Variants in NEK7 observed in about 807,000 individuals in gnomAD.
NEK7 encodes the protein NIMA related kinase 7, also known as serine/threonine-protein kinase Nek7.
NEK7 carries 18 observed loss-of-function variants against 44.6 expected under a neutral mutation model. The ratio of observed to expected loss-of-function variants is 0.40; its 90% CI spans 0.28 to 0.60. The LOEUF (loss-of-function observed/expected upper bound fraction) is 0.60. NEK7 is among the 20% of genes least tolerant of loss of function. The probability of loss-of-function intolerance (pLI) is 0.38; values close to 1 mark genes in which losing one functional copy is unlikely to be tolerated. For missense variants in NEK7, 256 were observed against 366.5 expected, an observed-to-expected ratio of 0.70 and a Z score of 2.46; for synonymous variants, 130 against 121.1, an observed-to-expected ratio of 1.07 and a Z score of -0.48.
In NEK7 at chr1:198,229,924, T is replaced by G. The variant is rs369638483; in HGVS notation, c.-28-2629T>G. ...AGACATTGTCACGTATCAGTAGCTA[T>G]AGCAAAACCACTTTATTATAACCTA... On this transcript the variant is annotated intron_variant, in intron 1 of 9. Transcript: ENST00000367385. Among the ~76,000 whole-genome samples the G allele has an allele frequency of 9.8e-5, 15 of 152,292 alleles. No individual in the cohort carries two copies. The East Asian group carries it at 2.3e-3, about 23-fold the overall frequency.
chr1:198,294,053 T>C (rs1654638752), intron 8 of NEK7, among the ~76,000 whole-genome samples: 1 of 151,984 alleles, frequency 6.6e-6, no homozygotes, highest in Non-Finnish European at 1.5e-5. Context: ...GTTTTTTGAC[T>C]CTTTAAAAAT....
intron 9 of NEK7, among the ~76,000 whole-genome samples, chr1:198,318,719 G>A (rs1052223142): frequency 1.3e-5 from 2 of 151,990 alleles, no homozygotes; most frequent in African/African-American, 2.4e-5. Context: ...CCGATGGATC[G>A]AGGACCATAT....
chr1:198,301,693 C>A (rs115353164), intron 9 of NEK7, among the ~76,000 whole-genome samples: 4,608 of 152,122 alleles, frequency 0.03, 79 homozygotes, highest in African/African-American at 0.038. Context: ...ATAAAGGGTG[C>A]CCTTCATTGA....
chr1:198,306,165 A>G (rs921050552), intron 9 of NEK7, among the ~76,000 whole-genome samples: 6 of 152,214 alleles, frequency 3.9e-5, no homozygotes, highest in African/African-American at 1.2e-4. Context: ...TAAAATGCAT[A>G]GAGTCGTTCA....
At chr1:198,198,208 T>A in intron 1 of NEK7, 1 of 713,584 alleles carries the variant, frequency 1.4e-6, no homozygotes, top group South Asian at 1.4e-5. Context: ...TCCTCCAGCC[T>A]TTCCACCACC....
intron 1 of NEK7, among the ~76,000 whole-genome samples, chr1:198,174,121 C>A (rs985003887): frequency 2.0e-5 from 3 of 152,086 alleles, no homozygotes; most frequent in African/African-American, 7.2e-5. Context: ...TTTGCACCAT[C>A]CATTCAAAGC....
chr1:198,189,237 G>A (rs947318401), intron 1 of NEK7, among the ~76,000 whole-genome samples: 1 of 152,030 alleles, frequency 6.6e-6, no homozygotes, highest in African/African-American at 2.4e-5. Flanking sequence ...TATTTGAAAG[G>A]ATTTTTTAAA....
chr1:198,247,937 A>C (rs1666882568), intron 2 of NEK7, among the ~76,000 whole-genome samples: 1 of 152,204 alleles, frequency 6.6e-6, no homozygotes, highest in African/African-American at 2.4e-5. Context: ...TGAAAGACTA[A>C]GAGTTTAAGC....
At chr1:198,229,810 A>G (rs1666333490) in intron 1 of NEK7, among the ~76,000 whole-genome samples, 3 of 148,148 alleles carry the variant, frequency 2.0e-5, no homozygotes, top group African/African-American at 7.3e-5. Context: ...GGGATACTGT[A>G]GAAATGAGTT....
chr1:198,295,281 A>T (rs2103011342), intron 8 of NEK7, among the ~76,000 whole-genome samples: 1 of 152,244 alleles, frequency 6.6e-6, no homozygotes, highest in South Asian at 2.1e-4. Flanking sequence ...ACAGTTCAAA[A>T]AAAAAGAGAG....
At chr1:198,200,629 C>T (rs902486434) in intron 1 of NEK7, among the ~76,000 whole-genome samples, 2 of 151,438 alleles carry the variant, frequency 1.3e-5, no homozygotes, top group African/African-American at 4.9e-5. Context: ...TGGCTAACTG[C>T]AACCTCTGCC....
chr1:198,218,195 C>T (rs1416546514), intron 1 of NEK7, among the ~76,000 whole-genome samples: 2 of 152,048 alleles, frequency 1.3e-5, no homozygotes, highest in African/African-American at 4.8e-5. Context: ...GTAATCCAAA[C>T]TGCATGGTAC....
intron 7 of NEK7, among the ~76,000 whole-genome samples, chr1:198,292,013 C>T (rs769711412): frequency 2.6e-4 from 39 of 151,950 alleles, no homozygotes; most frequent in Non-Finnish European, 5.0e-4. Context: ...TGAGTAGCAA[C>T]ATATTTTTGG....
At chr1:198,190,302 T>C (rs963986500) in intron 1 of NEK7, among the ~76,000 whole-genome samples, 4 of 152,076 alleles carry the variant, frequency 2.6e-5, no homozygotes, top group African/African-American at 9.7e-5. Flanking sequence ...CTCCTCTAAA[T>C]TTCAGCGTGC....
chr1:198,268,594 C>T (rs1417161721), intron 5 of NEK7, among the ~76,000 whole-genome samples: 1 of 151,998 alleles, frequency 6.6e-6, no homozygotes, highest in African/African-American at 2.4e-5. Flanking sequence ...GTCTTTAAGA[C>T]GTTAGAAGGG....
intron 5 of NEK7, among the ~76,000 whole-genome samples, chr1:198,264,911 A>G (rs1395366803): frequency 1.3e-5 from 2 of 152,062 alleles, no homozygotes; most frequent in Non-Finnish European, 2.9e-5. Flanking sequence ...TGTTGTAATG[A>G]TTGAATTAAT....
chr1:198,251,561 T>C (rs1331931523), intron 2 of NEK7, among the ~76,000 whole-genome samples: 1 of 152,168 alleles, frequency 6.6e-6, no homozygotes, highest in Admixed American at 6.5e-5. Flanking sequence ...AGAGCTGTTA[T>C]TGGTTTATTC....
At chr1:198,255,192 A>T (rs567431349) in intron 3 of NEK7, among the ~76,000 whole-genome samples, 2 of 152,176 alleles carry the variant, frequency 1.3e-5, no homozygotes, top group Non-Finnish European at 2.9e-5. Context: ...AGACAGAGGA[A>T]TTTGAACCGT....
In NEK7 at chr1:198,320,672, A is replaced by G. The variant is rs1655507788; in HGVS notation, c.*1150A>G. The stretch of plus-strand genomic sequence containing the variant: ...ATGCATATGTTTGGTCTTGTTAAAG[A>G]GGAAGAAAGGATGTGTGTTATACTG... On this transcript the variant is annotated 3_prime_UTR_variant, in exon 10 of 10. Transcript: ENST00000367385. 3 of 152,114 alleles carry G rather than the reference A, an allele frequency of 2.0e-5. No individual in the cohort carries two copies. The South Asian group carries it at 6.2e-4, about 31-fold the overall frequency. The allele number at this position is 152,114 out of a possible 1,614,324, so 9.4% of individuals were successfully genotyped here.
Sources: gnomAD v4.1 joint callset for allele counts (sites outside exome capture counted in the v4.1 genomes callset) on GRCh38, gnomAD v4.1.1 for gene constraint, MANE v1.5 for transcripts, NCBI Gene and HGNC (gene_info 2026-07-23, HGNC 2026-07-21) for gene names.